KIR3DL1: variants seen among roughly 807,000 people sequenced by gnomAD.
KIR3DL1 encodes the protein killer cell immunoglobulin-like receptor 3DL1.
A neutral mutation model predicts 40.3 loss-of-function variants in KIR3DL1; 50 were observed. The ratio of observed to expected loss-of-function variants is 1.24; its 90% CI spans 0.99 to 1.57. KIR3DL1 has a LOEUF of 1.57. Ranked by LOEUF, KIR3DL1 falls within the 40% of genes most tolerant of loss-of-function variation. The pLI, the probability that KIR3DL1 is intolerant of heterozygous loss-of-function variation, is 0.00. For missense variants in KIR3DL1, 661 were observed against 559.9 expected (o/e 1.18, Z -1.82); for synonymous variants, 257 against 207.2 (o/e 1.24, Z -2.07).
chr19:54,824,917 G>A, intron 5 of KIR3DL1, 111 bp from the exon 6 acceptor site: 1 of 990,066 alleles, frequency 1.0e-6, no homozygotes, highest in South Asian at 1.4e-5. Context: ...AAGACTCCCA[G>A]GGTCCAACAT....
chr19:54,821,700 G>T (rs771195198), exon 5 of KIR3DL1: 3 of 1,609,084 alleles, frequency 1.9e-6, no homozygotes, highest in Non-Finnish European at 1.7e-6. Context: ...GCCCATGAAC[G>T]TAGGCTCCCT....
At chr19:54,823,598 A>T (rs1382863737) in intron 5 of KIR3DL1, among the ~76,000 whole-genome samples, 1 of 151,302 alleles carries the variant, frequency 6.6e-6, no homozygotes, top group Non-Finnish European at 1.5e-5. Flanking sequence ...CCCGCGTTCA[A>T]CTGATTCTCC....
intron 8 of KIR3DL1, 21 bp downstream of exon 8, chr19:54,830,001 C>A (rs1264086707): frequency 1.3e-6 from 2 of 1,528,740 alleles, no homozygotes; most frequent in Non-Finnish European, 1.8e-6. Context: ...CTCGGCCCAG[C>A]CTCGTGGCTA....
At chr19:54,816,628 T>A in intron 1 of KIR3DL1, 94 bp downstream of exon 1, 1 of 1,460,342 alleles carries the variant, frequency 6.8e-7, no homozygotes, top group South Asian at 1.2e-5. Context: ...GTTATGGGCC[T>A]AGAGGTGGAG....
intron 6 of KIR3DL1, 22 bp downstream of exon 6, chr19:54,825,100 T>C (rs760277367): frequency 3.4e-6 from 5 of 1,471,818 alleles, no homozygotes; most frequent in Admixed American, 3.4e-5. Context: ...ACCCCTCTTA[T>C]CTCTGCTTTT....
In KIR3DL1 at chr19:54,818,212, G is replaced by A. The variant is rs2061445853; in HGVS notation, c.71-103G>A. The A allele has an allele frequency of 2.3e-6, 3 of 1,309,554 alleles. 1 individual carries two copies. Among genetic ancestry groups the A allele is most frequent in the Admixed American group, 4.1e-5 (2 of 48,796 alleles). The allele number at this position is 1,309,554 out of a possible 1,614,324, so 81.1% of individuals were successfully genotyped here. On this transcript the variant is annotated intron_variant, in intron 2 of 8. Coordinates refer to ENST00000391728, the Ensembl canonical transcript of KIR3DL1. The stretch of plus-strand genomic sequence containing the variant: ...CTGTAGCCCTGGGCACCCAGGTGTG[G>A]TAGGAGCCTTAGAAAGTGGAAATGG...
chr19:54,830,480 A>G, exon 9 of KIR3DL1: 1 of 659,198 alleles, frequency 1.5e-6, no homozygotes, highest in Non-Finnish European at 2.5e-6. Context: ...GAAAGAAAAC[A>G]CACTCCTTTG....
At chr19:54,828,577 G>A (rs1156817799) in intron 6 of KIR3DL1, among the ~76,000 whole-genome samples, 28 of 151,160 alleles carry the variant, frequency 1.9e-4, no homozygotes, top group Admixed American at 1.8e-3. Context: ...GTAGCTGGGG[G>A]AAGCCAGAAA....
At position 54,820,731 on chromosome 19, in the gene KIR3DL1, C is replaced by A. The variant is rs1228958213; in HGVS notation, c.655+719C>A. Among the ~76,000 whole-genome samples the A allele has an allele frequency of 2.7e-5, 4 of 150,680 alleles. No homozygotes were observed. In the East Asian group the frequency reaches 5.8e-4, roughly 22 times the overall value. ...ACACATAAAAAGAAAGAAAAGAGGG[C>A]AGAATGGAGAGAATGATGGAAAGGA... is the stretch of plus-strand genomic sequence containing the variant. On this transcript the variant is annotated intron_variant, in intron 4 of 8. Coordinates refer to ENST00000391728, the Ensembl canonical transcript of KIR3DL1.
intron 5 of KIR3DL1, among the ~76,000 whole-genome samples, chr19:54,824,447 C>T (rs1160142379): frequency 2.6e-5 from 4 of 151,474 alleles, no homozygotes; most frequent in Admixed American, 6.6e-5. Context: ...GAGGCCGAGG[C>T]GGGTGGATCA....
intron 3 of KIR3DL1, 84 bp from the exon 4 acceptor site, chr19:54,819,629 G>A (rs2148085602): frequency 1.4e-6 from 2 of 1,467,996 alleles, no homozygotes; most frequent in East Asian, 2.4e-5. Context: ...ACAGACACGG[G>A]GAGGGGAACC....
chr19:54,826,171 C>G (rs369831011), intron 6 of KIR3DL1, among the ~76,000 whole-genome samples: 2 of 150,308 alleles, frequency 1.3e-5, no homozygotes, highest in African/African-American at 2.5e-5. Context: ...CTTCCACGAA[C>G]GGTGAACAAG....
exon 1 of KIR3DL1, chr19:54,816,472 C>G: frequency 3.8e-6 from 6 of 1,598,352 alleles, no homozygotes; most frequent in Non-Finnish European, 5.1e-6. Flanking sequence ...TGAGCTGGGG[C>G]GCAGCCGCCT....
chr19:54,817,583 CA>C lies in KIR3DL1; in HGVS notation c.70+17del. ...GTCCACACATGGGTGAGTCCTTCCC[CA>C]AACCTTAGGGTGTCATCTCCCCACA... On this transcript the variant is annotated intron_variant, in intron 2 of 8. Transcript: ENST00000391728. 1 of 1,509,300 alleles carries C rather than the reference CA, an allele frequency of 6.6e-7. No homozygotes were observed. Among genetic ancestry groups the C allele is most frequent in the Non-Finnish European group, 9.0e-7 (1 of 1,108,318 alleles). 93.5% of individuals were successfully genotyped at this position (1,509,300 alleles called of 1,614,324 possible). A position where few individuals can be genotyped will look rare whatever the true frequency, so the allele number is the denominator to read the frequency against.
intron 4 of KIR3DL1, 111 bp from the exon 5 acceptor site, chr19:54,821,454 G>A: frequency 1.5e-6 from 2 of 1,317,422 alleles, no homozygotes; most frequent in African/African-American, 1.5e-5. Context: ...GGGTGAGAGA[G>A]AGAGAGAGAG....
At chr19:54,827,739 T>G (rs2061979336) in intron 6 of KIR3DL1, among the ~76,000 whole-genome samples, 1 of 150,886 alleles carries the variant, frequency 6.6e-6, no homozygotes, top group South Asian at 2.1e-4. Context: ...TCTTATCCAT[T>G]AGGCAATCAG....
exon 5 of KIR3DL1, chr19:54,821,598 C>G (rs777497702): frequency 6.2e-7 from 1 of 1,608,134 alleles, no homozygotes; most frequent in Admixed American, 1.7e-5. Context: ...TCAGCCCAGC[C>G]GGGCCCCAAG....
chr19:54,825,659 C>T (rs1654641), intron 6 of KIR3DL1, among the ~76,000 whole-genome samples: 26,674 of 148,924 alleles, frequency 0.18, 2,051 homozygotes, highest in South Asian at 0.29. Flanking sequence ...TGGGTGAAAA[C>T]AAAACGGTTT....
chr19:54,830,279 C>G, exon 9 of KIR3DL1: 1 of 1,523,670 alleles, frequency 6.6e-7, no homozygotes, highest in Non-Finnish European at 8.9e-7. Flanking sequence ...CCCATGAGCA[C>G]CACAGTCAGG....
Sources: gnomAD v4.1 joint callset for allele counts (sites outside exome capture counted in the v4.1 genomes callset) on GRCh38, gnomAD v4.1.1 for gene constraint, MANE v1.5 for transcripts, NCBI Gene and HGNC (gene_info 2026-07-23, HGNC 2026-07-21) for gene names.